RASGRF1: variants seen among roughly 807,000 people sequenced by gnomAD.
RASGRF1 encodes Ras protein specific guanine nucleotide releasing factor 1.
In RASGRF1, 40 loss-of-function variants were observed where a neutral mutation model predicts 138.7. The ratio of observed to expected loss-of-function variants is 0.29; its 90% CI spans 0.22 to 0.38. The LOEUF (loss-of-function observed/expected upper bound fraction) is 0.38. Among genes scored for constraint, RASGRF1 ranks in the 10% least tolerant of loss-of-function variants. The probability of loss-of-function intolerance (pLI) is 1.00; values close to 1 mark genes in which losing one functional copy is unlikely to be tolerated. For synonymous variants in RASGRF1, 614 were observed against 663.2 expected, an observed-to-expected ratio of 0.93 and a Z score of 1.14; for missense variants, 1,108 against 1,650.4, an observed-to-expected ratio of 0.67 and a Z score of 5.69.
intron 5 of RASGRF1, among the ~76,000 whole-genome samples, chr15:79,044,173 G>A (rs755005232): frequency 2.6e-5 from 4 of 152,200 alleles, no homozygotes; most frequent in Admixed American, 2.0e-4. Flanking sequence ...AGTTTCCTGC[G>A]ACAGACCTGA....
intron 1 of RASGRF1, among the ~76,000 whole-genome samples, chr15:79,089,520 A>G (rs1170439573): frequency 6.6e-6 from 1 of 152,192 alleles, no homozygotes; most frequent in Non-Finnish European, 1.5e-5. Flanking sequence ...GGGGGAGGAG[A>G]GAAGCGCCCA....
intron 5 of RASGRF1, among the ~76,000 whole-genome samples, chr15:79,040,308 C>T (rs1396505513): frequency 6.6e-6 from 1 of 152,156 alleles, no homozygotes; most frequent in Admixed American, 6.5e-5. Flanking sequence ...GCATCTGCCA[C>T]CCCTGTCACC....
chr15:79,022,648 A>G (rs1409087903), intron 10 of RASGRF1, among the ~76,000 whole-genome samples: 1 of 152,192 alleles, frequency 6.6e-6, no homozygotes, highest in Non-Finnish European at 1.5e-5. Context: ...TAGAAACTCC[A>G]GAGCTAATAA....
intron 23 of RASGRF1, chr15:78,984,577 T>C (rs1338503595): frequency 8.5e-6 from 2 of 235,382 alleles, no homozygotes; most frequent in Non-Finnish European, 1.7e-5. Context: ...ATTAGAATCC[T>C]GGGAAGGGGC....
chr15:79,068,577 T>C (rs2057711715), intron 1 of RASGRF1, among the ~76,000 whole-genome samples: 1 of 148,768 alleles, frequency 6.7e-6, no homozygotes, highest in Non-Finnish European at 1.5e-5. Context: ...GTATCATATA[T>C]ATATACATAC....
chr15:78,987,761 G>A (rs560161361), intron 22 of RASGRF1, among the ~76,000 whole-genome samples: 6 of 152,206 alleles, frequency 3.9e-5, no homozygotes, highest in African/African-American at 1.4e-4. Flanking sequence ...GGAGACACAT[G>A]ATCACCATGT....
chr15:79,040,893 G>C (rs2057289257), intron 5 of RASGRF1, among the ~76,000 whole-genome samples: 1 of 152,222 alleles, frequency 6.6e-6, no homozygotes, highest in South Asian at 2.1e-4. Flanking sequence ...TGCAGAGCTA[G>C]TGTTCCATTC....
chr15:78,998,762 C>T lies in RASGRF1; in HGVS notation c.2810G>A (p.Arg937His), dbSNP rs1478090654. The change falls in exon 18 of 27, where the codon CGT becomes CAT. Residue 937 changes from arginine to histidine, a missense_variant. Physicochemically the swap from Arg to His is conservative, Grantham distance 29. Coordinates refer to ENST00000558480, the MANE Select transcript of RASGRF1 (RefSeq NM_001145648.3). ...CCAGTGGCGGAGCACGTTCAAGACA[C>T]GATTGGTGGCTGCTCTGCGGATCAC... is the stretch of plus-strand genomic sequence containing the variant. ...EFVIRRAATN[R>H]VLNVLRHWVS... 3 of 1,614,060 alleles carry T rather than the reference C, an allele frequency of 1.9e-6. No individual in the cohort carries two copies. The highest frequency in any genetic ancestry group is 2.5e-6 in the Non-Finnish European group (3 of 1,180,014).
intron 12 of RASGRF1, 88 bp from the exon 13 acceptor site, chr15:79,015,497 T>C (rs1595904932): frequency 8.3e-7 from 1 of 1,205,544 alleles, no homozygotes; most frequent in East Asian, 2.3e-5. Flanking sequence ...AAAGTTCACA[T>C]GCCTCAGTCT....
At chr15:79,064,352 C>T in intron 2 of RASGRF1, 68 bp downstream of exon 2, 1 of 1,468,614 alleles carries the variant, frequency 6.8e-7, no homozygotes, top group Non-Finnish European at 9.4e-7. Flanking sequence ...GTTCAAAGGC[C>T]CTTGGGTCTG....
intron 24 of RASGRF1, chr15:78,978,500 T>C (rs973817627): frequency 3.1e-6 from 3 of 977,866 alleles, no homozygotes; most frequent in Admixed American, 1.2e-4. Flanking sequence ...GCTGGGATTA[T>C]AGGCATGAGC....
At chr15:79,048,165 G>A (rs563255695) in intron 4 of RASGRF1, among the ~76,000 whole-genome samples, 14 of 152,308 alleles carry the variant, frequency 9.2e-5, no homozygotes, top group East Asian at 3.9e-4. Flanking sequence ...CGGTCAGGGC[G>A]TCTCTGCCCA....
Position 79,070,819 on chromosome 15 carries a change from T to C in RASGRF1, c.277-6293A>G, listed in dbSNP as rs146363938. ...TTTGAAGCACAGGTGATTTCTTGGCTAGTATGGGCTTGGGGTAAAAATATG... is the reference window on the plus strand; with the variant it reads ...TTTGAAGCACAGGTGATTTCTTGGCCAGTATGGGCTTGGGGTAAAAATATG... On this transcript the variant is annotated intron_variant, in intron 1 of 26. Coordinates refer to ENST00000558480, the MANE Select transcript of RASGRF1 (RefSeq NM_001145648.3). 1.8e-3 allele frequency among the ~76,000 whole-genome samples: 276 copies of C among 152,338 alleles called. 1 individual carries two copies. The highest frequency in any genetic ancestry group is 6.2e-3 in the African/African-American group (257 of 41,572).
In RASGRF1 at chr15:78,985,156, C is replaced by A. The variant is rs1249048682; in HGVS notation, c.3265G>T (p.Ala1089Ser). 2 of 1,613,298 alleles carry A rather than the reference C, an allele frequency of 1.2e-6. No individual in the cohort carries two copies. Among genetic ancestry groups the A allele is most frequent in the South Asian group, 1.1e-5 (1 of 91,054 alleles). The change falls in exon 23 of 27, where the codon GCC becomes TCC. Residue 1089 changes from alanine (A) to serine (S), a missense_variant. By Grantham distance (99) the Ala-to-Ser change is moderately conservative. Around this residue, in one of 3 missense-constraint regions of RASGRF1, gnomAD observed 686 missense variants for 976.7 expected, o/e 0.70. Transcript: ENST00000558480. The part of the protein sequence containing the change: ...SEIIRNEDIN[A>S]RVSAIEKWVA... The stretch of plus-strand genomic sequence containing the variant: ...CACTTCTCGATGGCGCTCACCCTGG[C>A]GTTGATGTCCTCATTGCGGATGATT...
At chr15:79,071,784 A>C (rs55979970) in intron 1 of RASGRF1, among the ~76,000 whole-genome samples, 1 of 151,960 alleles carries the variant, frequency 6.6e-6, no homozygotes, top group East Asian at 1.9e-4. Flanking sequence ...TGGCAGGTGA[A>C]GTCAGCTGGT....
At chr15:79,074,758 C>T (rs893671333) in intron 1 of RASGRF1, among the ~76,000 whole-genome samples, 2 of 152,104 alleles carry the variant, frequency 1.3e-5, no homozygotes, top group African/African-American at 4.8e-5. Flanking sequence ...ACCAATGGGC[C>T]GCACCCGATT....
Position 78,973,274 on chromosome 15 carries a change from C to A in RASGRF1, c.3612+29G>T, listed in dbSNP as rs778512063. ...GAGTCATCTGGGCTTCAACGCCCCC[C>A]TTCCCCTGCCTGGCTGGGGGGAACG... On this transcript the variant is annotated intron_variant, in intron 25 of 26. Transcript: ENST00000558480. This position sits in a 1 kb window ranked among gnomAD's most constrained non-coding sequence, Gnocchi z 4.9. 1.3e-6 allele frequency: 2 copies of A among 1,543,484 alleles called. No homozygotes were observed. The highest frequency in any genetic ancestry group is 2.3e-5 in the South Asian group (2 of 86,062).
chr15:78,977,357 C>T (rs2055894494), intron 24 of RASGRF1, among the ~76,000 whole-genome samples: 1 of 152,086 alleles, frequency 6.6e-6, no homozygotes, highest in African/African-American at 2.4e-5. Flanking sequence ...GCTGTGTGGG[C>T]TGAATCCCCT....
intron 10 of RASGRF1, among the ~76,000 whole-genome samples, chr15:79,022,900 C>T (rs903178989): frequency 2.6e-5 from 4 of 152,244 alleles, no homozygotes; most frequent in Middle Eastern, 3.4e-3. Context: ...CTGGGCCGGG[C>T]GCGGTGGCTC....
Sources: allele counts gnomAD v4.1 joint callset (sites outside exome capture counted in the v4.1 genomes callset), GRCh38; gene constraint gnomAD v4.1.1; regional missense constraint gnomAD v4.1.1; non-coding constraint Gnocchi (gnomAD v3.1); transcripts MANE v1.5; gene names NCBI Gene and HGNC (gene_info 2026-07-23, HGNC 2026-07-21).